SSX3: variants seen among roughly 807,000 people sequenced by gnomAD.
SSX3 encodes the protein protein SSX3.
Under a neutral mutation model 14.8 loss-of-function variants are expected in SSX3, and 6 were observed. The observed-to-expected ratio is 0.41, with a 90% confidence interval of 0.22 to 0.80. SSX3 has a LOEUF of 0.80. Ranked by LOEUF, SSX3 falls within the 30% of genes least tolerant of loss-of-function variation. SSX3 has a pLI of 0.34. For missense variants in SSX3, 163 were observed against 152.2 expected (o/e 1.07, Z -0.37); for synonymous variants, 55 against 52.9 (o/e 1.04, Z -0.18).
intron 1 of SSX3, among the ~76,000 whole-genome samples, chrX:48,355,966 C>T (rs1556950978): frequency 9.0e-6 from 1 of 111,004 alleles, no homozygotes; most frequent in Non-Finnish European, 1.9e-5. Context: ...CACTTGAGCC[C>T]AGGAGGTCGA....
chrX:48,352,282 T>C, intron 4 of SSX3, 133 bp from the exon 5 acceptor site: 2 of 796,464 alleles, frequency 2.5e-6, no homozygotes. Flanking sequence ...ATTTCAGATT[T>C]GCTTCTGAAT....
intron 5 of SSX3, among the ~76,000 whole-genome samples, chrX:48,351,609 T>G (rs781975595): frequency 6.8e-4 from 76 of 112,512 alleles, no homozygotes; most frequent in African/African-American, 2.3e-3. Context: ...AGACTACCAC[T>G]GACACTGCGC....
intron 4 of SSX3, among the ~76,000 whole-genome samples, chrX:48,352,983 T>C (rs1175718598): frequency 1.8e-5 from 2 of 111,613 alleles, no homozygotes; most frequent in Non-Finnish European, 3.8e-5. Flanking sequence ...GACTATTTGG[T>C]TTTGATAAAA....
At chrX:48,347,193 T>C (rs1188225909) in intron 7 of SSX3, among the ~76,000 whole-genome samples, 158 bp from the exon 8 acceptor site, 1 of 112,515 alleles carries the variant, frequency 8.9e-6, no homozygotes, top group African/African-American at 3.2e-5. Flanking sequence ...GTGAACCATC[T>C]GTTCATGCCA....
At position 48,347,510 on chromosome X, in the gene SSX3, A is replaced by G. The variant is rs782132972; in HGVS notation, c.561T>C (p.Asp187=). ...GGAAGGTTCTCTTACGGAGTTACTC[A>G]TCATCTTCCTCAGGATCGCTGATCT... ...YEEISDPEED[D]E is the part of the protein sequence containing the mutation. The change falls in exon 7 of 8, where the codon GAT becomes GAC. Residue 187 remains aspartate, a synonymous_variant. Coordinates refer to ENST00000298396, the MANE Select transcript of SSX3 (RefSeq NM_021014.4). 5.8e-6 allele frequency: 7 copies of G among 1,208,629 alleles called. No homozygotes were observed. The highest frequency in any genetic ancestry group is 7.8e-6 in the Non-Finnish European group (7 of 894,963).
chrX:48,347,164 C>T (rs1366880518), intron 7 of SSX3, 129 bp from the exon 8 acceptor site: 1 of 904,397 alleles, frequency 1.1e-6, no homozygotes, highest in Non-Finnish European at 1.6e-6. Context: ...CCTGCACACA[C>T]CTTCCACGGT....
chrX:48,354,815 G>A (rs1400649931), intron 2 of SSX3, 69 bp from the exon 3 acceptor site: 20 of 1,198,545 alleles, frequency 1.7e-5, no homozygotes, highest in East Asian at 3.0e-5. Flanking sequence ...AGCTGGAGTC[G>A]CTTCCTGTGT....
Position 48,346,740 on chromosome X carries a change from C to G in SSX3, c.*300G>C, listed in dbSNP as rs1285025867. 3 of 428,223 alleles carry G rather than the reference C, an allele frequency of 7.0e-6. No individual in the cohort carries two copies. The African/African-American group carries it at 7.5e-5, about 11-fold the overall frequency. 35.3% of individuals were successfully genotyped at this position (428,223 alleles called of 1,213,427 possible). On this transcript the variant is annotated 3_prime_UTR_variant, in exon 8 of 8. Transcript: ENST00000298396. ...TTCCATGCAGAGGTAACTGACAATA[C>G]TTGTTTTCTAAGGTAGGTGCATGGA...
chrX:48,347,118 A>G (rs2061242307), intron 7 of SSX3, 83 bp from the exon 8 acceptor site: 1 of 1,125,606 alleles, frequency 8.9e-7, no homozygotes, highest in Admixed American at 2.2e-5. Flanking sequence ...CCTGACCTGC[A>G]GACCCTGCAC....
Position 48,347,489 on chromosome X carries a change from G to C in SSX3, c.*4+11C>G, listed in dbSNP as rs782578757. The C allele has an allele frequency of 2.6e-5, 32 of 1,207,553 alleles. No homozygotes were observed. The highest frequency in any genetic ancestry group is 3.6e-5 in the Non-Finnish European group (32 of 894,112). On this transcript the variant is annotated intron_variant, in intron 7 of 7. Coordinates refer to ENST00000298396, the MANE Select transcript of SSX3 (RefSeq NM_021014.4). ...GCAGGGATGCAGGGGATGAGTGGAAGGTTCTCTTACGGAGTTACTCATCAT... is the reference window on the plus strand; with the variant it reads ...GCAGGGATGCAGGGGATGAGTGGAACGTTCTCTTACGGAGTTACTCATCAT...
In SSX3 at chrX:48,349,942, C is replaced by T. The variant is rs782363388; in HGVS notation, c.466+45G>A. 8.3e-6 allele frequency: 10 copies of T among 1,206,989 alleles called. No individual in the cohort carries two copies. In the South Asian group the frequency reaches 8.9e-5, roughly 11 times the overall value. ...ACACCCAGTCCACACACCTGAACGT[C>T]GCCAGGGAAGCCAGTGGGATTGTTC... On this transcript the variant is annotated intron_variant, in intron 6 of 7. Transcript: ENST00000298396.
intron 1 of SSX3, among the ~76,000 whole-genome samples, chrX:48,356,093 C>T (rs1236450303): frequency 1.8e-5 from 2 of 111,733 alleles, no homozygotes; most frequent in Non-Finnish European, 3.8e-5. Flanking sequence ...GTGGGCGGAT[C>T]GCCTTAGCCC....
intron 3 of SSX3, among the ~76,000 whole-genome samples, chrX:48,354,344 G>T (rs1352379093): frequency 9.3e-6 from 1 of 107,690 alleles, no homozygotes; most frequent in Admixed American, 1.0e-4. Context: ...TGTGTGTGGG[G>T]TGGGGGTAGG....
At position 48,349,493 on chromosome X, in the gene SSX3, A is replaced by G. The variant is rs782701541; in HGVS notation, c.466+494T>C. The G allele has an allele frequency of 1.8e-5, 22 of 1,197,151 alleles. No individual in the cohort carries two copies. In the Admixed American group the frequency reaches 2.5e-4, roughly 13 times the overall value. ...TAGTAGACTACACTGTAGTGTAAAC[A>G]TAACGTTTTATGCACTGTCAAACAA... On this transcript the variant is annotated intron_variant, in intron 6 of 7. Transcript: ENST00000298396.
In SSX3 at chrX:48,352,060, A is replaced by C. The variant is rs139389871; in HGVS notation, c.330+40T>G. 10,235 of 1,192,610 alleles carry C rather than the reference A, an allele frequency of 8.6e-3. 604 individuals are homozygous for C. In the African/African-American group the frequency reaches 0.16, roughly 19 times the overall value. On this transcript the variant is annotated intron_variant, in intron 5 of 7. Coordinates refer to ENST00000298396, the MANE Select transcript of SSX3 (RefSeq NM_021014.4). The stretch of plus-strand genomic sequence containing the variant: ...TACCAGTGTTCGCATCCTTGGAGGG[A>C]CAAAGGTTCTCTGGTCCTTTAGATC...
At chrX:48,354,481 A>G in intron 3 of SSX3, 151 bp downstream of exon 3, 1 of 629,699 alleles carries the variant, frequency 1.6e-6, no homozygotes. Flanking sequence ...GACAGGATAT[A>G]GAAGAGCAGA....
At chrX:48,349,355 C>G (rs1556949103) in intron 6 of SSX3, 4 of 538,609 alleles carry the variant, frequency 7.4e-6, no homozygotes, top group Non-Finnish European at 1.1e-5. Context: ...AGACCCTCCA[C>G]CAGCAAAAAG....
chrX:48,356,446 A>G, intron 1 of SSX3, among the ~76,000 whole-genome samples, 188 bp downstream of exon 1: 1 of 111,157 alleles, frequency 9.0e-6, no homozygotes, highest in Non-Finnish European at 1.9e-5. Context: ...AGTTCCTAGG[A>G]AAAATCCCAT....
At chrX:48,349,113 G>A (rs1279517349) in intron 6 of SSX3, among the ~76,000 whole-genome samples, 1 of 112,564 alleles carries the variant, frequency 8.9e-6, no homozygotes, top group Non-Finnish European at 1.9e-5. Context: ...GGAAGGAGAT[G>A]CCATCTAGGA....
Sources: allele counts gnomAD v4.1 joint callset (sites outside exome capture counted in the v4.1 genomes callset), GRCh38; gene constraint gnomAD v4.1.1; transcripts MANE v1.5; gene names NCBI Gene and HGNC (gene_info 2026-07-23, HGNC 2026-07-21).